Variants in DAB1 observed in about 807,000 individuals in gnomAD.
DAB1 encodes the protein DAB adaptor protein 1, also known as disabled homolog 1.
In DAB1, 15 loss-of-function variants were observed where a neutral mutation model predicts 64.6. The ratio of observed to expected loss-of-function variants is 0.23; its 90% confidence interval spans 0.16 to 0.36. The LOEUF (loss-of-function observed/expected upper bound fraction) is 0.36, where lower values mean the gene tolerates loss of function less well. DAB1 is among the 10% of genes least tolerant of loss of function. DAB1 has a pLI of 1.00. For synonymous variants in DAB1, 235 were observed against 251.9 expected, an observed-to-expected ratio of 0.93 and a Z score of 0.64; for missense variants, 596 against 706.7, an observed-to-expected ratio of 0.84 and a Z score of 1.78.
At chr1:57,510,208 C>G (rs758335035) in intron 7 of DAB1, among the ~76,000 whole-genome samples, 1 of 152,196 alleles carries the variant, frequency 6.6e-6, no homozygotes, top group Non-Finnish European at 1.5e-5. Flanking sequence ...CCCAAGGACA[C>G]CAGTGCCTTC....
At chr1:57,773,476 A>C (rs1649656170) in intron 6 of DAB1, among the ~76,000 whole-genome samples, 1 of 151,946 alleles carries the variant, frequency 6.6e-6, no homozygotes, top group Non-Finnish European at 1.5e-5. Context: ...TTCCTTAACA[A>C]GGTCTTTATT....
chr1:57,130,773 G>A (rs916431615), intron 4 of DAB1, among the ~76,000 whole-genome samples: 2 of 151,974 alleles, frequency 1.3e-5, no homozygotes, highest in African/African-American at 4.8e-5. Flanking sequence ...TTAGTAAATG[G>A]GTATAAAATT....
intron 1 of DAB1, among the ~76,000 whole-genome samples, chr1:57,337,750 C>G (rs1208226322): frequency 1.3e-5 from 2 of 152,122 alleles, no homozygotes; most frequent in African/African-American, 2.4e-5. Context: ...GAAGTGCATC[C>G]TCCCACTGCT....
chr1:57,742,099 A>C (rs1430495891), intron 6 of DAB1, among the ~76,000 whole-genome samples: 2 of 152,132 alleles, frequency 1.3e-5, no homozygotes, highest in Non-Finnish European at 2.9e-5. Flanking sequence ...TGTTCATTTA[A>C]GTTGCCTTAT....
At chr1:57,051,967 T>C (rs1245678804) in intron 9 of DAB1, among the ~76,000 whole-genome samples, 1 of 151,962 alleles carries the variant, frequency 6.6e-6, no homozygotes, top group East Asian at 1.9e-4. Context: ...ATAAAGGCAG[T>C]AGGTTTTAGT....
At chr1:57,361,370 C>A (rs1350806642) in intron 1 of DAB1, among the ~76,000 whole-genome samples, 2 of 152,010 alleles carry the variant, frequency 1.3e-5, no homozygotes, top group Non-Finnish European at 2.9e-5. Context: ...TAAATATGAC[C>A]ACATATGTAT....
At chr1:58,149,743 C>A (rs1654816465) in intron 5 of DAB1, among the ~76,000 whole-genome samples, 1 of 152,126 alleles carries the variant, frequency 6.6e-6, no homozygotes, top group African/African-American at 2.4e-5. Context: ...TTTCACAAAG[C>A]CTTCTTCTCT....
At chr1:58,195,241 G>A (rs1657610472) in intron 4 of DAB1, among the ~76,000 whole-genome samples, 3 of 152,114 alleles carry the variant, frequency 2.0e-5, no homozygotes. Flanking sequence ...TGTATTTGTT[G>A]AGCCCAAAAA....
chr1:58,336,041 C>A (rs1569656108), intron 4 of DAB1, among the ~76,000 whole-genome samples: 1 of 152,178 alleles, frequency 6.6e-6, no homozygotes, highest in Admixed American at 6.5e-5. Flanking sequence ...ACAGAATAAA[C>A]CACCCCCCAA....
chr1:57,820,035 G>T (rs1001605004), intron 6 of DAB1, among the ~76,000 whole-genome samples: 2 of 152,100 alleles, frequency 1.3e-5, no homozygotes, highest in African/African-American at 4.8e-5. Flanking sequence ...TATCTCATTT[G>T]GTCTTCAGAG....
At chr1:58,040,161 C>G (rs116665868) in intron 5 of DAB1, among the ~76,000 whole-genome samples, 1 of 152,044 alleles carries the variant, frequency 6.6e-6, no homozygotes, top group Non-Finnish European at 1.5e-5. Context: ...AGTATAGGTC[C>G]ATATTACCAG....
chr1:57,385,281 A>G (rs903235261), intron 1 of DAB1, among the ~76,000 whole-genome samples: 3 of 152,264 alleles, frequency 2.0e-5, no homozygotes, highest in Non-Finnish European at 4.4e-5. Flanking sequence ...TGTTTCACAT[A>G]AAATTATTTC....
intron 7 of DAB1, among the ~76,000 whole-genome samples, chr1:57,474,367 C>T (rs1016405928): frequency 1.3e-5 from 2 of 152,090 alleles, no homozygotes; most frequent in Admixed American, 6.5e-5. Context: ...AAAACAAGTC[C>T]GACTCCGCTC....
chr1:57,456,858 C>T (rs1372406873), intron 7 of DAB1, among the ~76,000 whole-genome samples: 1 of 152,048 alleles, frequency 6.6e-6, no homozygotes, highest in African/African-American at 2.4e-5. Context: ...GGCAGACAAA[C>T]CTCTCCTAAA....
intron 6 of DAB1, among the ~76,000 whole-genome samples, chr1:57,814,062 G>A (rs901121287): frequency 2.0e-5 from 3 of 152,156 alleles, no homozygotes; most frequent in Non-Finnish European, 4.4e-5. Context: ...AATGACTAAA[G>A]CACAATTTAT....
intron 4 of DAB1, among the ~76,000 whole-genome samples, chr1:57,076,786 C>T (rs1478659749): frequency 6.6e-6 from 1 of 152,152 alleles, no homozygotes; most frequent in African/African-American, 2.4e-5. Context: ...GTAATAATTC[C>T]CATCCCTAGA....
At chr1:58,384,244 T>C (rs1049399164) in intron 3 of DAB1, among the ~76,000 whole-genome samples, 6 of 151,834 alleles carry the variant, frequency 4.0e-5, no homozygotes, top group Non-Finnish European at 7.4e-5. Flanking sequence ...ACAACACGGA[T>C]GGACTTGGAA....
chr1:58,072,350 G>T (rs1649329400), intron 5 of DAB1, among the ~76,000 whole-genome samples: 1 of 152,156 alleles, frequency 6.6e-6, no homozygotes, highest in South Asian at 2.1e-4. Flanking sequence ...TATGGAGGTA[G>T]TTACTGTCAT....
At chr1:57,809,797 A>G (rs1225747091) in intron 6 of DAB1, among the ~76,000 whole-genome samples, 1 of 152,216 alleles carries the variant, frequency 6.6e-6, no homozygotes, top group Non-Finnish European at 1.5e-5. Context: ...AAGGAGAAAG[A>G]GAAAATTAAC....
Sources: gnomAD v4.1 joint callset for allele counts (sites outside exome capture counted in the v4.1 genomes callset) on GRCh38, gnomAD v4.1.1 for gene constraint, MANE v1.5 for transcripts, NCBI Gene and HGNC (gene_info 2026-07-23, HGNC 2026-07-21) for gene names.